The following SLC30A8 variants were observed in gnomAD, a reference collection of about 807,000 sequenced individuals.
SLC30A8 encodes the protein proton-coupled zinc antiporter SLC30A8.
A neutral mutation model predicts 36.9 loss-of-function variants in SLC30A8; 27 were observed. The observed-to-expected ratio is 0.73, with a 90% CI of 0.54 to 1.01. The LOEUF is 1.01. Among genes scored for constraint, SLC30A8 ranks in the 50% least tolerant of loss-of-function variants. The pLI, the probability that SLC30A8 is intolerant of heterozygous loss-of-function variation, is 0.00. For missense variants in SLC30A8, 439 were observed against 452.0 expected (o/e 0.97, Z 0.26); for synonymous variants, 164 against 172.4 (o/e 0.95, Z 0.38).
intron 2 of SLC30A8, among the ~76,000 whole-genome samples, chr8:117,096,067 C>T (rs1454104907): frequency 6.6e-6 from 1 of 152,114 alleles, no homozygotes; most frequent in Non-Finnish European, 1.5e-5. Flanking sequence ...TCTCTCACAC[C>T]AGCTCTTGTG....
At chr8:117,137,779 G>A (rs1821429120) in intron 1 of SLC30A8, among the ~76,000 whole-genome samples, 1 of 151,956 alleles carries the variant, frequency 6.6e-6, no homozygotes, top group Admixed American at 6.6e-5. Flanking sequence ...TTCTCAGATA[G>A]CTTAAGCCCA....
At chr8:117,010,440 G>C (rs949128856) in intron 1 of SLC30A8, among the ~76,000 whole-genome samples, 4 of 152,208 alleles carry the variant, frequency 2.6e-5, no homozygotes, top group African/African-American at 9.6e-5. Context: ...TTAAACCTCT[G>C]AGATTACCTC....
intron 2 of SLC30A8, among the ~76,000 whole-genome samples, chr8:117,078,983 T>G (rs1032324857): frequency 2.0e-5 from 3 of 151,944 alleles, no homozygotes; most frequent in Non-Finnish European, 2.9e-5. Flanking sequence ...CCAATGTGCC[T>G]GGCCTGAATT....
chr8:117,013,119 A>G (rs2130708324), intron 1 of SLC30A8, among the ~76,000 whole-genome samples: 1 of 152,294 alleles, frequency 6.6e-6, no homozygotes, highest in Non-Finnish European at 1.5e-5. Context: ...CAATTGTGTG[A>G]AGAATGTTAG....
intron 1 of SLC30A8, among the ~76,000 whole-genome samples, chr8:116,990,749 C>T (rs1043954957): frequency 6.6e-6 from 1 of 152,082 alleles, no homozygotes; most frequent in South Asian, 2.1e-4. Flanking sequence ...GACAAATGCA[C>T]CATGATAATG....
intron 2 of SLC30A8, among the ~76,000 whole-genome samples, chr8:117,125,767 G>T (rs574599493): frequency 1.3e-5 from 2 of 151,878 alleles, no homozygotes; most frequent in African/African-American, 4.8e-5. Flanking sequence ...TAATAAATTG[G>T]TTCTCTCCAT....
chr8:117,051,685 C>T lies in SLC30A8; in HGVS notation c.-226+12427C>T, dbSNP rs1040498052. On this transcript the variant is annotated intron_variant, in intron 2 of 10. Transcript: ENST00000427715. ...AAAATTAGCCAGGCGTGGTGGCAGG[C>T]GCCTGTAGTCCCAGCTACTCGGGAG... Among the ~76,000 whole-genome samples, 81 of 152,018 alleles carry T rather than the reference C, an allele frequency of 5.3e-4. 1 individual carries two copies. Among genetic ancestry groups the T allele is most frequent in the Middle Eastern group, 6.8e-3 (2 of 294 alleles).
chr8:116,958,840 CATT>C (rs1221719362), intron 1 of SLC30A8, among the ~76,000 whole-genome samples: 2 of 72,692 alleles, frequency 2.8e-5, no homozygotes, highest in African/African-American at 1.2e-4. Flanking sequence ...ATGCTCTTTT[CATT>C]TTTTTTTTTT....
At chr8:117,119,366 A>G (rs1297477749) in intron 2 of SLC30A8, among the ~76,000 whole-genome samples, 1 of 151,866 alleles carries the variant, frequency 6.6e-6, no homozygotes, top group African/African-American at 2.4e-5. Context: ...CCCCATCTTC[A>G]TAATTTAGAT....
At chr8:117,150,318 C>CAGTA (rs1158221319) in intron 2 of SLC30A8, among the ~76,000 whole-genome samples, 1 of 152,198 alleles carries the variant, frequency 6.6e-6, no homozygotes, top group African/African-American at 2.4e-5. Flanking sequence ...TCATTGCTGT[C>CAGTA]AGTAAGTCTG....
intron 6 of SLC30A8, among the ~76,000 whole-genome samples, chr8:117,169,297 T>G (rs1823239072): frequency 6.6e-6 from 1 of 152,164 alleles, no homozygotes; most frequent in South Asian, 2.1e-4. Context: ...CTTAGCCCAT[T>G]TTTTGCCGAG....
At chr8:117,027,652 C>T (rs1259253083) in intron 1 of SLC30A8, among the ~76,000 whole-genome samples, 1 of 152,122 alleles carries the variant, frequency 6.6e-6, no homozygotes, top group Non-Finnish European at 1.5e-5. Context: ...AGGCAGGACC[C>T]TGAGTTGGAT....
At chr8:117,079,640 C>T (rs924777219) in intron 2 of SLC30A8, among the ~76,000 whole-genome samples, 1 of 152,062 alleles carries the variant, frequency 6.6e-6, no homozygotes, top group African/African-American at 2.4e-5. Flanking sequence ...TTGATGGGTA[C>T]TTCTGGAAAA....
chr8:117,054,098 CTTTTTT>C (rs4060800), intron 2 of SLC30A8, among the ~76,000 whole-genome samples: 2,979 of 124,162 alleles, frequency 0.024, 95 homozygotes, highest in African/African-American at 0.065. Flanking sequence ...CTGCAAAAAT[CTTTTTT>C]TTTTTTTTTT....
At chr8:116,990,238 T>G (rs796690416) in intron 1 of SLC30A8, among the ~76,000 whole-genome samples, 4 of 152,258 alleles carry the variant, frequency 2.6e-5, no homozygotes, top group African/African-American at 9.6e-5. Flanking sequence ...TCAGAAACAT[T>G]GATTGCCCCT....
intron 1 of SLC30A8, among the ~76,000 whole-genome samples, chr8:116,959,093 C>A (rs1195781465): frequency 1.3e-5 from 2 of 151,976 alleles, no homozygotes; most frequent in East Asian, 3.9e-4. Flanking sequence ...TCGTGATCTG[C>A]CCGCCTCGGC....
intron 1 of SLC30A8, among the ~76,000 whole-genome samples, chr8:116,962,968 C>T (rs998313822): frequency 2.0e-5 from 3 of 151,602 alleles, no homozygotes; most frequent in Admixed American, 6.6e-5. Context: ...CGGAGTCTGG[C>T]GGGGAAGGGG....
chr8:117,151,624 A>C (rs115171688), intron 2 of SLC30A8, among the ~76,000 whole-genome samples: 5,115 of 152,304 alleles, frequency 0.034, 297 homozygotes, highest in African/African-American at 0.11. Flanking sequence ...ACTGTTGAAG[A>C]GAGTTTATAA....
intron 4 of SLC30A8, 31 bp from the exon 5 acceptor site, chr8:117,161,707 T>C (rs1414208405): frequency 6.3e-7 from 1 of 1,592,998 alleles, no homozygotes; most frequent in Non-Finnish European, 8.6e-7. Context: ...ACTGACCTCA[T>C]GTGTGCTAAG....
Sources: gnomAD v4.1 joint callset for allele counts (sites outside exome capture counted in the v4.1 genomes callset) on GRCh38, gnomAD v4.1.1 for gene constraint, MANE v1.5 for transcripts, NCBI Gene and HGNC (gene_info 2026-07-23, HGNC 2026-07-21) for gene names.